HAO2: variants seen among roughly 807,000 people sequenced by gnomAD.
HAO2 encodes hydroxyacid oxidase 2, also known as 2-Hydroxyacid oxidase 2.
HAO2 carries 42 observed loss-of-function variants against 37.4 expected under a neutral mutation model. That is an observed-to-expected ratio of 1.12 (90% CI 0.88 to 1.45). The LOEUF is 1.45. HAO2 is among the 40% of genes most tolerant of loss of function. The pLI is 0.00. For synonymous variants in HAO2, 180 were observed against 162.8 expected (o/e 1.11, Z -0.81); for missense variants, 476 against 430.2 (o/e 1.11, Z -0.94).
At chr1:119,392,438 T>C (rs2275608) in intron 6 of HAO2, 170 bp downstream of exon 6, 73,501 of 708,162 alleles carry the variant, frequency 0.1, 8,621 homozygotes, top group African/African-American at 0.48. Flanking sequence ...AAATGTTCAA[T>C]AGCTTTCATC....
In HAO2 at chr1:119,392,686, A is replaced by C; in HGVS notation, c.999A>C (p.Thr333=). 3 of 1,580,980 alleles carry C rather than the reference A, an allele frequency of 1.9e-6. No homozygotes were observed. The highest frequency in any genetic ancestry group is 1.1e-5 in the South Asian group (1 of 90,340). ...TNEFHTSMAL[T]GCRSVAEINR... ...AGTTCCACACTTCCATGGCCCTTAC[A>C]GGTAAGTTAACATGTTTTCCCTGAT... The change falls in exon 7 of 8, where the codon ACA becomes ACC. Residue 333 remains threonine, a splice_region_variant and synonymous_variant. Coordinates refer to ENST00000325945, the MANE Select transcript of HAO2 (RefSeq NM_016527.4).
At chr1:119,370,134 G>A (rs1340099234) in intron 1 of HAO2, 2 of 152,150 alleles carry the variant, frequency 1.3e-5, no homozygotes, top group African/African-American at 2.4e-5. Context: ...AACAAAGCTG[G>A]AGGGTCACAT....
intron 6 of HAO2, 22 bp from the exon 7 acceptor site, chr1:119,392,596 T>G (rs1186548652): frequency 1.3e-5 from 20 of 1,544,358 alleles, no homozygotes; most frequent in African/African-American, 2.7e-5. Context: ...TTTGTGTCTC[T>G]GTCTGTCTGC....
At chr1:119,370,319 C>A (rs1470039418) in intron 1 of HAO2, 1 of 152,198 alleles carries the variant, frequency 6.6e-6, no homozygotes, top group Non-Finnish European at 1.5e-5. Flanking sequence ...GTCAATAAAC[C>A]TTCTTGGATA....
chr1:119,387,964 G>C (rs1186268706), intron 5 of HAO2, among the ~76,000 whole-genome samples: 1 of 152,182 alleles, frequency 6.6e-6, no homozygotes, highest in African/African-American at 2.4e-5. Context: ...CTCTGCACCA[G>C]CTCTAACTGC....
chr1:119,378,966 T>A (rs934000205), intron 1 of HAO2, among the ~76,000 whole-genome samples: 3 of 152,222 alleles, frequency 2.0e-5, no homozygotes. Context: ...GTCCCAGGTT[T>A]GGTTCTTCAT....
At chr1:119,382,629 A>T (rs1650044290) in intron 2 of HAO2, among the ~76,000 whole-genome samples, 1 of 152,222 alleles carries the variant, frequency 6.6e-6, no homozygotes, top group Admixed American at 6.5e-5. Flanking sequence ...AAAGACACAG[A>T]CTTCTGACAG....
At chr1:119,378,539 T>C (rs1401431250) in intron 1 of HAO2, among the ~76,000 whole-genome samples, 4 of 152,110 alleles carry the variant, frequency 2.6e-5, no homozygotes, top group African/African-American at 9.7e-5. Flanking sequence ...AAGCTGTAGA[T>C]AGAAAAGAGT....
In HAO2 at chr1:119,381,121, T is replaced by A. The variant is rs770886338; in HGVS notation, c.36T>A (p.His12Gln). ...SLVCLTDFQAHAREQLSKSTR... is the reference protein window; with the variant it reads ...SLVCLTDFQAQAREQLSKSTR... ...TGTGTTTGACAGACTTTCAGGCCCA[T>A]GCGCGAGAGCAGCTGTCTAAGTCAA... Residue 12 changes from histidine to glutamine, a missense_variant, in exon 2 of 8, where the codon CAT (histidine) becomes CAA (glutamine). By Grantham distance (24) the His-to-Gln change is conservative. Coordinates refer to ENST00000325945, the MANE Select transcript of HAO2 (RefSeq NM_016527.4). 3 of 1,612,046 alleles carry A rather than the reference T, an allele frequency of 1.9e-6. No individual in the cohort carries two copies. In the African/African-American group the frequency reaches 4.0e-5, roughly 22 times the overall value.
chr1:119,392,047 A>T, intron 5 of HAO2, 63 bp from the exon 6 acceptor site: 1 of 1,460,948 alleles, frequency 6.8e-7, no homozygotes, highest in Non-Finnish European at 9.3e-7. Context: ...GTCATATGCC[A>T]GGAAGACCAA....
intron 1 of HAO2, among the ~76,000 whole-genome samples, chr1:119,378,145 T>C (rs1032450500): frequency 6.6e-6 from 1 of 152,182 alleles, no homozygotes; most frequent in Non-Finnish European, 1.5e-5. Flanking sequence ...TTACGTTAAA[T>C]TGAAAATAGA....
intron 1 of HAO2, among the ~76,000 whole-genome samples, chr1:119,374,511 T>C (rs1026813863): frequency 4.6e-5 from 7 of 152,294 alleles, no homozygotes; most frequent in South Asian, 2.1e-4. Flanking sequence ...TGACATTCCA[T>C]TGGGAAACTT....
In HAO2 at chr1:119,391,064, T is replaced by C. The variant is rs929843051; in HGVS notation, c.772-1046T>C. Among the ~76,000 whole-genome samples the C allele has an allele frequency of 1.1e-4, 16 of 152,186 alleles. No individual in the cohort carries two copies. In the East Asian group the frequency reaches 2.9e-3, roughly 27 times the overall value. ...ATGTGAATTCTCTCTAGTTATTACATGTAAGTTCAAAACATATTCAATTCC... is the reference window on the plus strand; with the variant it reads ...ATGTGAATTCTCTCTAGTTATTACACGTAAGTTCAAAACATATTCAATTCC... On this transcript the variant is annotated intron_variant, in intron 5 of 7. Coordinates refer to ENST00000325945, the MANE Select transcript of HAO2 (RefSeq NM_016527.4).
intron 1 of HAO2, among the ~76,000 whole-genome samples, chr1:119,374,633 G>T (rs910192969): frequency 9.9e-5 from 15 of 152,142 alleles, no homozygotes; most frequent in Non-Finnish European, 1.8e-4. Context: ...CTCCCCCGTT[G>T]TATCTCCACA....
chr1:119,369,060 G>C (rs943597034), intron 1 of HAO2, 158 bp downstream of exon 1: 1 of 152,276 alleles, frequency 6.6e-6, no homozygotes, highest in African/African-American at 2.4e-5. Context: ...AGGGAACTCA[G>C]AGGGCATGGG....
At chr1:119,379,242 C>G (rs1383058251) in intron 1 of HAO2, among the ~76,000 whole-genome samples, 1 of 152,126 alleles carries the variant, frequency 6.6e-6, no homozygotes, top group Non-Finnish European at 1.5e-5. Flanking sequence ...ATATGGTCAC[C>G]CTCTGCCTAG....
intron 3 of HAO2, among the ~76,000 whole-genome samples, chr1:119,384,530 G>A (rs888287919): frequency 2.0e-5 from 3 of 152,124 alleles, no homozygotes; most frequent in Non-Finnish European, 4.4e-5. Context: ...ATCTTTAGCT[G>A]GAAATATTTT....
intron 1 of HAO2, among the ~76,000 whole-genome samples, chr1:119,373,432 T>C (rs1297671325): frequency 6.6e-6 from 1 of 152,162 alleles, no homozygotes; most frequent in Non-Finnish European, 1.5e-5. Context: ...CCTGAGTTCA[T>C]TTATTAGCTG....
chr1:119,394,110 A>G lies in HAO2; in HGVS notation c.*270A>G. On this transcript the variant is annotated 3_prime_UTR_variant, in exon 8 of 8. Transcript: ENST00000325945. ...CTCTGAAGTAAAAGATCTCAAAAGG[A>G]CAGATCATTAATGACTGGAACCACT... is the stretch of plus-strand genomic sequence containing the variant. 8.7e-7 allele frequency: 1 copy of G among 1,147,168 alleles called. No individual in the cohort carries two copies. Among genetic ancestry groups the G allele is most frequent in the Non-Finnish European group, 1.1e-6 (1 of 888,938 alleles). The allele number at this position is 1,147,168 out of a possible 1,614,324, so 71.1% of individuals were successfully genotyped here.
Sources: allele counts gnomAD v4.1 joint callset (sites outside exome capture counted in the v4.1 genomes callset), GRCh38; gene constraint gnomAD v4.1.1; transcripts MANE v1.5; gene names NCBI Gene and HGNC (gene_info 2026-07-23, HGNC 2026-07-21).